The following TCF3 variants were observed in gnomAD, a reference collection of about 807,000 sequenced individuals.
TCF3 encodes transcription factor E2-alpha.
TCF3 carries 54 observed loss-of-function variants against 72.3 expected under a neutral mutation model. That is an observed-to-expected ratio of 0.75 (90% CI 0.60 to 0.94). The LOEUF is 0.94. TCF3 is among the 40% of genes least tolerant of loss of function. The pLI is 0.00. For missense variants in TCF3, 1,078 were observed against 934.4 expected, an observed-to-expected ratio of 1.15 and a Z score of -2.00; for synonymous variants, 525 against 412.6, an observed-to-expected ratio of 1.27 and a Z score of -3.30.
At chr19:1,618,538 T>G (rs1271659423) in intron 16 of TCF3, among the ~76,000 whole-genome samples, 2 of 67,342 alleles carry the variant, frequency 3.0e-5, no homozygotes, top group Non-Finnish European at 5.7e-5. Flanking sequence ...CTCTCCTCAC[T>G]CTGCTCCAAC....
intron 18 of TCF3, chr19:1,612,068 A>G: frequency 1.1e-6 from 1 of 893,230 alleles, no homozygotes; most frequent in Non-Finnish European, 1.7e-6. Context: ...TGTCTGGGGA[A>G]CATCACTGGG....
intron 5 of TCF3, among the ~76,000 whole-genome samples, chr19:1,629,849 G>C (rs1456200316): frequency 2.0e-5 from 3 of 152,224 alleles, no homozygotes; most frequent in Admixed American, 1.3e-4. Context: ...AACAAATGCT[G>C]CTGTTTTTTG....
Position 1,614,543 on chromosome 19 carries a change from C to T in TCF3, c.1822+742G>A, listed in dbSNP as rs1038075933. 6.6e-6 allele frequency among the ~76,000 whole-genome samples: 1 copy of T among 152,256 alleles called. No individual in the cohort carries two copies. The highest frequency in any genetic ancestry group is 2.4e-5 in the African/African-American group (1 of 41,540). On this transcript the variant is annotated intron_variant, in intron 18 of 18. Coordinates refer to ENST00000262965, the MANE Select transcript of TCF3 (RefSeq NM_003200.5). The surrounding 1 kb of genome is among the most constrained non-coding windows in gnomAD (Gnocchi z 5.6). Reference sequence around the variant, plus strand: ...GGCGTGCCACACACGGCTGCAGAGACTCGGAAACCTTAGAGCTGAGGGGAT... The same window carrying T: ...GGCGTGCCACACACGGCTGCAGAGATTCGGAAACCTTAGAGCTGAGGGGAT...
chr19:1,651,971 G>A (rs952607953), intron 1 of TCF3, among the ~76,000 whole-genome samples: 6 of 150,836 alleles, frequency 4.0e-5, no homozygotes, highest in African/African-American at 9.7e-5. Flanking sequence ...CGCCCGGGCT[G>A]GGGGGGACGG....
At chr19:1,632,276 GCCC>G in intron 4 of TCF3, 53 bp downstream of exon 4, 1 of 1,550,624 alleles carries the variant, frequency 6.4e-7, no homozygotes, top group Non-Finnish European at 8.7e-7. Flanking sequence ...CACACCCCTC[GCCC>G]CCAACTCTGG....
intron 3 of TCF3, among the ~76,000 whole-genome samples, chr19:1,640,472 T>A (rs894355949): frequency 6.6e-6 from 1 of 152,120 alleles, no homozygotes; most frequent in Non-Finnish European, 1.5e-5. Flanking sequence ...GCTAACCTGT[T>A]AGAACTGAGA....
At chr19:1,632,726 C>T (rs2063859388) in intron 3 of TCF3, among the ~76,000 whole-genome samples, 2 of 152,210 alleles carry the variant, frequency 1.3e-5, no homozygotes, top group African/African-American at 4.8e-5. Flanking sequence ...CGCCGAGCCT[C>T]CTCCCCATCA....
Position 1,621,313 on chromosome 19 carries a change from G to A in TCF3, c.956-122C>T, listed in dbSNP as rs781316179. On this transcript the variant is annotated intron_variant, in intron 11 of 18. Coordinates refer to ENST00000262965, the MANE Select transcript of TCF3 (RefSeq NM_003200.5). ...TGCGCCAGGGAGAGCAGCCTGACTC[G>A]GGTCCGGTTTCTGTCTGACCCCCTG... is the stretch of plus-strand genomic sequence containing the variant. The A allele has an allele frequency of 2.7e-5, 33 of 1,238,338 alleles. 1 individual carries two copies. The highest frequency in any genetic ancestry group is 3.3e-5 in the Non-Finnish European group (30 of 908,482). The allele number at this position is 1,238,338 out of a possible 1,614,324, so 76.7% of individuals were successfully genotyped here. A position where few individuals can be genotyped will look rare whatever the true frequency, so the allele number is the denominator to read the frequency against.
chr19:1,640,479 G>A (rs1195561797), intron 3 of TCF3, among the ~76,000 whole-genome samples: 2 of 152,090 alleles, frequency 1.3e-5, no homozygotes, highest in African/African-American at 4.8e-5. Flanking sequence ...TGTTAGAACT[G>A]AGAATTCCCA....
At chr19:1,623,591 C>T (rs1320592315) in intron 8 of TCF3, among the ~76,000 whole-genome samples, 1 of 152,078 alleles carries the variant, frequency 6.6e-6, no homozygotes, top group Non-Finnish European at 1.5e-5. Context: ...ACCATGTTGA[C>T]TAGGCTGATC....
At position 1,650,287 on chromosome 19, in the gene TCF3, C is replaced by T. The variant is rs371769174; in HGVS notation, c.-39G>A. ...GGGCGGGCACCTCAGGCCTGGAAAC[C>T]CTGCTTGGTGGATGTGGGGACAGAT... On this transcript the variant is annotated splice_region_variant and 5_prime_UTR_variant, in exon 2 of 19. Coordinates refer to ENST00000262965, the MANE Select transcript of TCF3 (RefSeq NM_003200.5). The T allele has an allele frequency of 3.2e-6, 5 of 1,539,926 alleles. No homozygotes were observed. The African/African-American group carries it at 4.1e-5, about 13-fold the overall frequency.
At chr19:1,640,167 G>A (rs1281773215) in intron 3 of TCF3, among the ~76,000 whole-genome samples, 2 of 152,200 alleles carry the variant, frequency 1.3e-5, no homozygotes, top group Non-Finnish European at 2.9e-5. Context: ...AACGGGGCCA[G>A]GCGCAGAGGG....
intron 7 of TCF3, among the ~76,000 whole-genome samples, chr19:1,625,177 T>G (rs1055024304): frequency 1.3e-5 from 2 of 152,188 alleles, no homozygotes; most frequent in African/African-American, 4.8e-5. Context: ...CCCCGGGTAG[T>G]TCAAGGCGCC....
intron 18 of TCF3, among the ~76,000 whole-genome samples, chr19:1,612,905 T>C (rs901640667): frequency 1.4e-4 from 21 of 147,090 alleles, no homozygotes; most frequent in Admixed American, 1.3e-3. Context: ...TGGACAGCAG[T>C]GGGGGTACAC....
At chr19:1,617,576 T>C (rs1034547408) in intron 16 of TCF3, among the ~76,000 whole-genome samples, 8 of 152,148 alleles carry the variant, frequency 5.3e-5, no homozygotes, top group African/African-American at 1.7e-4. Flanking sequence ...TGCCATCCCC[T>C]GAGACCCCCG....
intron 1 of TCF3, chr19:1,650,735 G>C (rs1600219318): frequency 8.6e-6 from 2 of 232,852 alleles, no homozygotes; most frequent in East Asian, 1.2e-4. Flanking sequence ...AGGGAAATTT[G>C]GTGATTCCCC....
At chr19:1,624,942 G>C (rs1037257500) in intron 7 of TCF3, among the ~76,000 whole-genome samples, 2 of 152,164 alleles carry the variant, frequency 1.3e-5, no homozygotes, top group African/African-American at 4.8e-5. Flanking sequence ...AACTCCCAGG[G>C]TCAAACCATC....
At position 1,622,039 on chromosome 19, in the gene TCF3, T is replaced by C. The variant is rs886323491; in HGVS notation, c.822+15A>G. The C allele has an allele frequency of 9.4e-6, 11 of 1,175,646 alleles. No individual in the cohort carries two copies. In the African/African-American group the frequency reaches 1.3e-4, roughly 14 times the overall value. 72.8% of individuals were successfully genotyped at this position (1,175,646 alleles called of 1,614,324 possible). ...CACCCTCCGCCCACCCCCTGCCCCCTGCCCTGGGTCCTACCATACGCTCGT... is the reference window on the plus strand; with the variant it reads ...CACCCTCCGCCCACCCCCTGCCCCCCGCCCTGGGTCCTACCATACGCTCGT... On this transcript the variant is annotated intron_variant, in intron 10 of 18. Transcript: ENST00000262965.
At chr19:1,646,572 C>T (rs951948923) in intron 2 of TCF3, 145 bp from the exon 3 acceptor site, 9 of 690,438 alleles carry the variant, frequency 1.3e-5, no homozygotes, top group South Asian at 3.6e-5. Flanking sequence ...CGTCCTGCTC[C>T]GCCCCATCAC....
Sources: gnomAD v4.1 joint callset for allele counts (sites outside exome capture counted in the v4.1 genomes callset) on GRCh38, gnomAD v4.1.1 for gene constraint, Gnocchi (gnomAD v3.1) non-coding constraint, MANE v1.5 for transcripts, NCBI Gene and HGNC (gene_info 2026-07-23, HGNC 2026-07-21) for gene names.